Variants in GTF2F2 observed in about 807,000 individuals in gnomAD.
The protein encoded by GTF2F2 is general transcription factor IIF subunit 2.
In GTF2F2, 23 loss-of-function variants were observed where a neutral mutation model predicts 42.2. The observed-to-expected ratio is 0.55, with a 90% CI of 0.39 to 0.77. The LOEUF (loss-of-function observed/expected upper bound fraction) is 0.77. Ranked by LOEUF, GTF2F2 falls within the 30% of genes least tolerant of loss-of-function variation. GTF2F2 has a pLI of 0.00. For synonymous variants in GTF2F2, 105 were observed against 100.8 expected (o/e 1.04, Z -0.25); for missense variants, 261 against 287.2 (o/e 0.91, Z 0.66).
intron 1 of GTF2F2, among the ~76,000 whole-genome samples, chr13:45,135,827 G>A (rs534710187): frequency 3.9e-5 from 6 of 152,198 alleles, no homozygotes; most frequent in Non-Finnish European, 8.8e-5. Flanking sequence ...TGTGTAAGGT[G>A]TTATGCTTTA....
intron 4 of GTF2F2, among the ~76,000 whole-genome samples, chr13:45,168,047 G>A (rs996149644): frequency 1.3e-5 from 2 of 152,192 alleles, no homozygotes; most frequent in South Asian, 4.1e-4. Context: ...TGTATAATGT[G>A]TTATGTGTCA....
At chr13:45,255,618 G>T (rs1876071976) in intron 6 of GTF2F2, among the ~76,000 whole-genome samples, 1 of 152,160 alleles carries the variant, frequency 6.6e-6, no homozygotes, top group Non-Finnish European at 1.5e-5. Context: ...CTCTTCCATT[G>T]TAGTCTTTTC....
chr13:45,201,603 A>G (rs1382855172), intron 4 of GTF2F2, among the ~76,000 whole-genome samples: 1 of 152,198 alleles, frequency 6.6e-6, no homozygotes, highest in African/African-American at 2.4e-5. Context: ...TGTGCTTTAT[A>G]TACATAACCT....
chr13:45,225,630 A>G (rs1012843067), intron 5 of GTF2F2, among the ~76,000 whole-genome samples: 3 of 151,768 alleles, frequency 2.0e-5, no homozygotes, highest in African/African-American at 7.3e-5. Flanking sequence ...AAAAAAAAAA[A>G]AGAATAGCCT....
chr13:45,132,846 G>C (rs370440858), intron 1 of GTF2F2, among the ~76,000 whole-genome samples: 2 of 152,156 alleles, frequency 1.3e-5, no homozygotes, highest in African/African-American at 2.4e-5. Context: ...TTCTAGGTTC[G>C]AGAAGTGAAA....
At chr13:45,126,940 T>C (rs1869038628) in intron 1 of GTF2F2, among the ~76,000 whole-genome samples, 1 of 152,188 alleles carries the variant, frequency 6.6e-6, no homozygotes, top group Non-Finnish European at 1.5e-5. Context: ...TATTACCTTG[T>C]CTCCATCTGA....
intron 5 of GTF2F2, among the ~76,000 whole-genome samples, chr13:45,217,391 G>C (rs1430564233): frequency 6.6e-6 from 1 of 151,176 alleles, no homozygotes; most frequent in East Asian, 1.9e-4. Context: ...CCAAACTCCA[G>C]CTACACTTTT....
rs1415175414 is a variant in GTF2F2 at position 45,272,430 on chromosome 13, A to AAAC, written c.630+5056_630+5057insCAA. 4.7e-4 allele frequency among the ~76,000 whole-genome samples: 67 copies of AAAC among 142,952 alleles called. 1 individual carries two copies. Among genetic ancestry groups the AAAC allele is most frequent in the African/African-American group, 1.8e-3 (66 of 35,684 alleles). The allele number at this position is 142,952 out of a possible 152,430, so 93.8% of individuals were successfully genotyped here. A position where few individuals can be genotyped will look rare whatever the true frequency, so the allele number is the denominator to read the frequency against. On this transcript the variant is annotated intron_variant, in intron 7 of 7. Coordinates refer to ENST00000340473, the MANE Select transcript of GTF2F2 (RefSeq NM_004128.3). The stretch of plus-strand genomic sequence containing the variant: ...TGGTTTTGTTTTGGCTCTTTAAAAA[A>AAAC]AAAAAAAAAACAAAAAAAAAAAACA...
At chr13:45,126,739 A>G (rs929577900) in intron 1 of GTF2F2, among the ~76,000 whole-genome samples, 1 of 152,260 alleles carries the variant, frequency 6.6e-6, no homozygotes. Flanking sequence ...TATTGGTCTT[A>G]ACGAAAACAA....
At chr13:45,265,391 A>G (rs1160595325) in intron 6 of GTF2F2, among the ~76,000 whole-genome samples, 1 of 152,132 alleles carries the variant, frequency 6.6e-6, no homozygotes, top group African/African-American at 2.4e-5. Context: ...TGCATTTAAA[A>G]TGCTCAAGGC....
At chr13:45,158,257 G>A (rs1870862337) in intron 4 of GTF2F2, among the ~76,000 whole-genome samples, 2 of 152,178 alleles carry the variant, frequency 1.3e-5, no homozygotes, top group African/African-American at 4.8e-5. Context: ...ATGAGATCTG[G>A]TGGGTTGATA....
Position 45,283,935 on chromosome 13 carries a change from T to C in GTF2F2, c.*374T>C, listed in dbSNP as rs1437165712. ...TGAGGTAATACAGATCCAAGGAGAA[T>C]TGTATAGCAAGAAAAAAACAGTCAA... is the stretch of plus-strand genomic sequence containing the variant. On this transcript the variant is annotated 3_prime_UTR_variant, in exon 8 of 8. Coordinates refer to ENST00000340473, the MANE Select transcript of GTF2F2 (RefSeq NM_004128.3). 1.3e-5 allele frequency: 2 copies of C among 152,374 alleles called. No individual in the cohort carries two copies. Among genetic ancestry groups the C allele is most frequent in the Non-Finnish European group, 2.9e-5 (2 of 68,234 alleles). 9.4% of individuals were successfully genotyped at this position (152,374 alleles called of 1,614,324 possible). A position where few individuals can be genotyped will look rare whatever the true frequency, so the allele number is the denominator to read the frequency against.
intron 1 of GTF2F2, among the ~76,000 whole-genome samples, chr13:45,127,492 ATT>A (rs34519885): frequency 8.7e-5 from 12 of 137,434 alleles, no homozygotes; most frequent in East Asian, 2.1e-4. Context: ...CGCCCAACTA[ATT>A]TTTTTTTTTT....
At chr13:45,122,668 TG>T (rs1346206092) in intron 1 of GTF2F2, among the ~76,000 whole-genome samples, 5 of 152,026 alleles carry the variant, frequency 3.3e-5, no homozygotes, top group African/African-American at 1.2e-4. Context: ...AAGTGTAATT[TG>T]TTGCTTAGAA....
chr13:45,123,913 T>G, intron 1 of GTF2F2: 2 of 394,948 alleles, frequency 5.1e-6, no homozygotes, highest in African/African-American at 2.2e-5. Context: ...GAGGGGAGAG[T>G]CTTAGTGTGG....
chr13:45,198,046 G>C (rs1447106750), intron 4 of GTF2F2, among the ~76,000 whole-genome samples: 2 of 152,210 alleles, frequency 1.3e-5, no homozygotes, highest in Non-Finnish European at 2.9e-5. Flanking sequence ...ATTAGAGTTA[G>C]ATCACCTCTG....
chr13:45,236,483 C>CCA (rs1371070252), intron 5 of GTF2F2, among the ~76,000 whole-genome samples: 7 of 127,806 alleles, frequency 5.5e-5, no homozygotes, highest in East Asian at 2.2e-4. Flanking sequence ...TCACCCCCCG[C>CCA]CACACATACA....
intron 4 of GTF2F2, among the ~76,000 whole-genome samples, chr13:45,161,993 T>G (rs955935377): frequency 6.6e-6 from 1 of 152,220 alleles, no homozygotes; most frequent in East Asian, 1.9e-4. Flanking sequence ...TTAAATAAGA[T>G]AGTAAATACA....
chr13:45,245,693 A>G (rs928450527), intron 5 of GTF2F2, among the ~76,000 whole-genome samples: 63 of 69,968 alleles, frequency 9.0e-4, no homozygotes, highest in Non-Finnish European at 1.2e-3. Flanking sequence ...ATATATATAT[A>G]TATATATACA....
Sources: gnomAD v4.1 joint callset for allele counts (sites outside exome capture counted in the v4.1 genomes callset) on GRCh38, gnomAD v4.1.1 for gene constraint, MANE v1.5 for transcripts, NCBI Gene and HGNC (gene_info 2026-07-23, HGNC 2026-07-21) for gene names.